The following RAB37 variants were observed in gnomAD, a reference collection of about 807,000 sequenced individuals.
RAB37 encodes RAB37, member RAS oncogene family, also known as ras-related protein Rab-37.
RAB37 carries 29 observed loss-of-function variants against 33.1 expected under a neutral mutation model. That is an observed-to-expected ratio of 0.88 (90% confidence interval 0.65 to 1.20). RAB37 has a LOEUF of 1.20. RAB37 is among the 50% of genes most tolerant of loss of function. RAB37 has a pLI of 0.00. For missense variants in RAB37, 299 were observed against 301.1 expected, an observed-to-expected ratio of 0.99 and a Z score of 0.05; for synonymous variants, 128 against 119.5, an observed-to-expected ratio of 1.07 and a Z score of -0.47.
intron 1 of RAB37, among the ~76,000 whole-genome samples, chr17:74,728,355 GTTTGTGTGTGTAGATGT>G (rs1317912115): frequency 1.3e-5 from 2 of 151,588 alleles, no homozygotes; most frequent in Non-Finnish European, 2.9e-5. Context: ...GTGTATTTGT[GTTTGTGTGTGTAGATGT>G]TTTTGTGTGT....
chr17:74,714,865 T>G (rs2034144645), intron 1 of RAB37, among the ~76,000 whole-genome samples: 1 of 152,168 alleles, frequency 6.6e-6, no homozygotes, highest in African/African-American at 2.4e-5. Flanking sequence ...CTCACACTTG[T>G]AATCCCAGCA....
At chr17:74,695,001 C>T (rs568403034) in intron 1 of RAB37, 15 of 1,360,120 alleles carry the variant, frequency 1.1e-5, no homozygotes, top group Middle Eastern at 4.8e-4. Context: ...CACCAGTCCC[C>T]GGGTTGGTCC....
chr17:74,714,663 C>T (rs2034138648), intron 1 of RAB37, among the ~76,000 whole-genome samples: 1 of 152,066 alleles, frequency 6.6e-6, no homozygotes, highest in African/African-American at 2.4e-5. Context: ...ATTATCCCCT[C>T]GCTCCACCCC....
chr17:74,695,736 A>G, intron 1 of RAB37: 5 of 1,614,102 alleles, frequency 3.1e-6, no homozygotes, highest in Non-Finnish European at 4.2e-6. Context: ...ATGGTGACAT[A>G]TTCCACTTCC....
intron 1 of RAB37, among the ~76,000 whole-genome samples, chr17:74,720,794 T>TC (rs1211937871): frequency 6.6e-6 from 1 of 151,846 alleles, no homozygotes; most frequent in African/African-American, 2.4e-5. Flanking sequence ...GGTACCCGGG[T>TC]TCTTGTCAGG....
chr17:74,694,114 G>GC (rs2032227662), intron 1 of RAB37, among the ~76,000 whole-genome samples: 2 of 152,144 alleles, frequency 1.3e-5, no homozygotes, highest in African/African-American at 2.4e-5. Flanking sequence ...CTGCTTACTT[G>GC]CCATTAAACT....
At chr17:74,740,113 G>C (rs570033594) in intron 1 of RAB37, among the ~76,000 whole-genome samples, 1 of 150,074 alleles carries the variant, frequency 6.7e-6, no homozygotes, top group East Asian at 2.0e-4. Context: ...CCAAGATCTC[G>C]CCATTGCACT....
intron 1 of RAB37, among the ~76,000 whole-genome samples, chr17:74,716,734 G>A (rs545417002): frequency 1.2e-4 from 19 of 152,124 alleles, no homozygotes; most frequent in Admixed American, 8.5e-4. Context: ...GAGAGAGAGA[G>A]AAAACAGCCC....
chr17:74,736,888 G>C, upstream of RAB37: 10 of 1,492,760 alleles, frequency 6.7e-6, 1 homozygote, highest in South Asian at 7.6e-5. Context: ...CCCGGGGCTC[G>C]GGCGCCGCCT....
chr17:74,677,712 T>C (rs1192396157), intron 1 of RAB37: 4 of 152,246 alleles, frequency 2.6e-5, no homozygotes, highest in Admixed American at 6.5e-5. Flanking sequence ...CTCCTTTGGC[T>C]GATAGGTCGG....
chr17:74,727,753 T>C lies in RAB37; in HGVS notation c.73-1503T>C, dbSNP rs114798759. 3.0e-3 allele frequency among the ~76,000 whole-genome samples: 452 copies of C among 152,370 alleles called. 2 individuals carry two copies. Among genetic ancestry groups the C allele is most frequent in the East Asian group, 0.021 (108 of 5,190 alleles). On this transcript the variant is annotated intron_variant, in intron 1 of 7. Coordinates refer to the RAB37 transcript ENST00000340415. ...GAGGGAGATCTCCTCTGTGCCTTCATGCCCCTTTCAGTGACTTCAATAGAA... is the reference window on the plus strand; with the variant it reads ...GAGGGAGATCTCCTCTGTGCCTTCACGCCCCTTTCAGTGACTTCAATAGAA...
At chr17:74,699,831 C>G (rs942435255) in intron 1 of RAB37, among the ~76,000 whole-genome samples, 17 of 152,054 alleles carry the variant, frequency 1.1e-4, no homozygotes, top group African/African-American at 4.1e-4. Flanking sequence ...TCAAAGCACA[C>G]CCCTCTCTTT....
intron 1 of RAB37, among the ~76,000 whole-genome samples, chr17:74,695,561 C>A (rs768324821): frequency 1.3e-4 from 20 of 152,170 alleles, no homozygotes; most frequent in Non-Finnish European, 1.9e-4. Context: ...CTGAGACTTG[C>A]CTGTGGGAGC....
intron 1 of RAB37, among the ~76,000 whole-genome samples, chr17:74,679,976 T>G (rs2031918754): frequency 4.4e-5 from 1 of 22,840 alleles, no homozygotes; most frequent in Admixed American, 4.4e-4. Context: ...AGGCTCTGTC[T>G]CAAAAAAAAA....
intron 1 of RAB37, chr17:74,698,439 G>A (rs200130350): frequency 1.2e-6 from 2 of 1,613,930 alleles, no homozygotes; most frequent in Non-Finnish European, 1.7e-6. Flanking sequence ...GCAATATGGT[G>A]AAGATGAGGG....
intron 1 of RAB37, chr17:74,698,382 C>T (rs1239278245): frequency 7.4e-6 from 12 of 1,612,904 alleles, no homozygotes; most frequent in Non-Finnish European, 1.0e-5. Flanking sequence ...TCTGCTGGTA[C>T]TTCATCATCC....
intron 1 of RAB37, among the ~76,000 whole-genome samples, chr17:74,699,145 C>G (rs548368508): frequency 1.3e-5 from 2 of 152,124 alleles, no homozygotes; most frequent in Non-Finnish European, 2.9e-5. Context: ...TCTCGAACTC[C>G]TAACCTCATG....
chr17:74,700,029 C>G (rs1270415837), intron 1 of RAB37, among the ~76,000 whole-genome samples: 1 of 151,968 alleles, frequency 6.6e-6, no homozygotes, highest in Non-Finnish European at 1.5e-5. Flanking sequence ...GTAATCCCAG[C>G]TACTTGGGAA....
Position 74,737,368 on chromosome 17 carries a change from G to T in RAB37, c.93+3G>T. 2 of 1,563,006 alleles carry T rather than the reference G, an allele frequency of 1.3e-6. No individual in the cohort carries two copies. The highest frequency in any genetic ancestry group is 2.3e-5 in the East Asian group (1 of 43,364). ...CGAGCTACGACCTCACGGGCAAGGT[G>T]GGTGGGCCTCTTCCGTGAGACCCCC... On this transcript the variant is annotated splice_donor_region_variant and intron_variant, in intron 1 of 8. Coordinates refer to ENST00000392613, the MANE Select transcript of RAB37 (RefSeq NM_001006638.3).
Sources: gnomAD v4.1 joint callset for allele counts (sites outside exome capture counted in the v4.1 genomes callset) on GRCh38, gnomAD v4.1.1 for gene constraint, MANE v1.5 for transcripts, NCBI Gene and HGNC (gene_info 2026-07-23, HGNC 2026-07-21) for gene names.